PCDHA3: variants seen among roughly 807,000 people sequenced by gnomAD.
PCDHA3 encodes the protein protocadherin alpha 3.
PCDHA3 carries 41 observed loss-of-function variants against 62.2 expected under a neutral mutation model. The observed-to-expected ratio is 0.66, with a 90% CI of 0.51 to 0.86. The LOEUF is 0.86. Ranked by LOEUF, PCDHA3 falls within the 40% of genes least tolerant of loss-of-function variation. The pLI is 0.00. For missense variants in PCDHA3, 1,304 were observed against 1,241.2 expected (o/e 1.05, Z -0.76); for synonymous variants, 640 against 555.4 (o/e 1.15, Z -2.14).
intron 1 of PCDHA3, chr5:140,884,440 G>T: frequency 1.2e-6 from 2 of 1,613,830 alleles, no homozygotes; most frequent in Non-Finnish European, 1.7e-6. Flanking sequence ...TGCGGTGCTC[G>T]GCACCGCCCA....
chr5:140,884,634 GGGA>G (rs1562808845), intron 1 of PCDHA3: 3 of 1,612,414 alleles, frequency 1.9e-6, no homozygotes, highest in Non-Finnish European at 2.5e-6. Context: ...ACAGGCCAGA[GGGA>G]GGAGGACTCA....
intron 1 of PCDHA3, chr5:140,848,888 A>T: frequency 6.4e-7 from 1 of 1,564,652 alleles, no homozygotes; most frequent in Non-Finnish European, 8.7e-7. Flanking sequence ...ACAACCCTCC[A>T]GTGTTCCCAG....
chr5:140,933,937 T>A (rs1369497002), intron 1 of PCDHA3, among the ~76,000 whole-genome samples: 1 of 152,082 alleles, frequency 6.6e-6, no homozygotes. Context: ...GTGACTTTTT[T>A]TCACATCTGC....
At chr5:140,994,288 C>G (rs2097610720) in intron 3 of PCDHA3, among the ~76,000 whole-genome samples, 4 of 152,150 alleles carry the variant, frequency 2.6e-5, no homozygotes, top group Admixed American at 6.5e-5. Flanking sequence ...TGAGACAGTC[C>G]CCAGATTGTT....
chr5:140,823,024 G>T (rs2150121461), intron 1 of PCDHA3: 3 of 1,614,202 alleles, frequency 1.9e-6, no homozygotes, highest in East Asian at 2.2e-5. Flanking sequence ...CCGCGAGAGC[G>T]TGTCGGTCTA....
intron 1 of PCDHA3, chr5:140,882,459 T>G (rs782544853): frequency 6.2e-7 from 1 of 1,613,996 alleles, no homozygotes; most frequent in South Asian, 1.1e-5. Context: ...CCGCGCCTGT[T>G]CCGGGTGGCG....
rs2150427952 is a variant in PCDHA3 at position 140,848,985 on chromosome 5, G to A, written c.2394+45394G>A. On this transcript the variant is annotated intron_variant, in intron 1 of 3. Transcript: ENST00000522353. ...GGGCGCGTCCGATGCAGATATCGGG[G>A]AGAACGCCCTGCTCACTTACAGACT... is the stretch of plus-strand genomic sequence containing the variant. 9 of 1,598,558 alleles carry A rather than the reference G, an allele frequency of 5.6e-6. 1 individual carries two copies. The highest frequency in any genetic ancestry group is 6.0e-6 in the Non-Finnish European group (7 of 1,170,226).
At chr5:140,870,141 T>C in intron 1 of PCDHA3, 1 of 1,613,952 alleles carries the variant, frequency 6.2e-7, no homozygotes, top group Non-Finnish European at 8.5e-7. Flanking sequence ...ACGATAACTC[T>C]CCTGAAGTCG....
chr5:140,829,868 A>G, intron 1 of PCDHA3: 1 of 1,613,886 alleles, frequency 6.2e-7, no homozygotes, highest in East Asian at 2.2e-5. Context: ...AGTGGTGGCG[A>G]AGGTGCGCGC....
chr5:140,843,494 G>A, intron 1 of PCDHA3: 1 of 1,596,028 alleles, frequency 6.3e-7, no homozygotes, highest in Non-Finnish European at 8.6e-7. Context: ...GCGGTGCTCA[G>A]CACTGCCCAC....
chr5:140,948,255 C>G (rs1271882562), intron 1 of PCDHA3, among the ~76,000 whole-genome samples: 1 of 151,484 alleles, frequency 6.6e-6, no homozygotes, highest in Non-Finnish European at 1.5e-5. Flanking sequence ...ATTTTTACAT[C>G]TGTGTTCATG....
intron 1 of PCDHA3, chr5:140,816,968 GC>G (rs1277276488): frequency 6.6e-6 from 1 of 152,054 alleles, no homozygotes; most frequent in Non-Finnish European, 1.5e-5. Flanking sequence ...AACTTGGACT[GC>G]CCACTAAAAT....
At chr5:140,834,199 G>T in intron 1 of PCDHA3, 2 of 595,406 alleles carry the variant, frequency 3.4e-6, no homozygotes, top group South Asian at 2.6e-5. Flanking sequence ...GCTCTTTACC[G>T]CAAATTCTTT....
rs1563652468 is a variant in PCDHA3, at chr5:141,000,419, A to ATT, written c.2543-9207_2543-9206insTT. ...TCTATATATATATATATATATATAT[A>ATT]TATTTTTTTTTTTTTTTTTTTTTTT... On this transcript the variant is annotated intron_variant, in intron 3 of 3. Transcript: ENST00000522353. 2.1e-3 allele frequency among the ~76,000 whole-genome samples: 126 copies of ATT among 60,978 alleles called. 1 individual carries two copies. The highest frequency in any genetic ancestry group is 3.3e-3 in the African/African-American group (43 of 13,160). The allele number at this position is 60,978 out of a possible 152,430, so 40.0% of individuals were successfully genotyped here. A position where few individuals can be genotyped will look rare whatever the true frequency, so the allele number is the denominator to read the frequency against.
At position 140,807,677 on chromosome 5, in the gene PCDHA3, G is replaced by A. The variant is rs782620777; in HGVS notation, c.2394+4086G>A. ...GGGCGCCTCGGATGCAGATATCGGG[G>A]AGAACGCCCTGCTCACTTACAGACT... is the stretch of plus-strand genomic sequence containing the variant. On this transcript the variant is annotated intron_variant, in intron 1 of 3. Transcript: ENST00000522353. The A allele has an allele frequency of 1.1e-5, 17 of 1,614,072 alleles. No homozygotes were observed. The Admixed American group carries it at 2.7e-4, about 25-fold the overall frequency.
intron 1 of PCDHA3, chr5:140,869,178 G>A (rs200717410): frequency 1.0e-4 from 168 of 1,613,870 alleles, no homozygotes; most frequent in Non-Finnish European, 1.3e-4. Flanking sequence ...AATTCTGGGA[G>A]GTGGGGAGCG....
At chr5:140,896,140 C>A (rs1415728420) in intron 1 of PCDHA3, among the ~76,000 whole-genome samples, 6 of 152,140 alleles carry the variant, frequency 3.9e-5, no homozygotes, top group Non-Finnish European at 7.4e-5. Flanking sequence ...ATCCAGTGCA[C>A]CATTGATGGG....
intron 1 of PCDHA3, among the ~76,000 whole-genome samples, chr5:140,962,957 C>T (rs915413264): frequency 1.3e-5 from 2 of 152,014 alleles, no homozygotes; most frequent in Non-Finnish European, 2.9e-5. Flanking sequence ...ATGCTCTATC[C>T]CTATATAGGA....
intron 1 of PCDHA3, chr5:140,862,735 G>T: frequency 1.7e-6 from 1 of 574,782 alleles, no homozygotes. Flanking sequence ...GTCTAGCTAT[G>T]TGTGGGTGCA....
Sources: gnomAD v4.1 joint callset for allele counts (sites outside exome capture counted in the v4.1 genomes callset) on GRCh38, gnomAD v4.1.1 for gene constraint, MANE v1.5 for transcripts, NCBI Gene and HGNC (gene_info 2026-07-23, HGNC 2026-07-21) for gene names.